Variants in SCMH1 observed in about 807,000 individuals in gnomAD.
SCMH1 encodes Scm polycomb group protein homolog 1.
A neutral mutation model predicts 70.8 loss-of-function variants in SCMH1; 37 were observed. The observed-to-expected ratio is 0.52, with a 90% CI of 0.40 to 0.69. SCMH1 has a LOEUF of 0.69. SCMH1 is among the 30% of genes least tolerant of loss of function. SCMH1 has a pLI of 0.00. For missense variants in SCMH1, 607 were observed against 827.3 expected (o/e 0.73, Z 3.27); for synonymous variants, 292 against 307.4 (o/e 0.95, Z 0.52).
At chr1:41,142,131 T>A (rs213752) in intron 6 of SCMH1, among the ~76,000 whole-genome samples, 81,305 of 151,454 alleles carry the variant, frequency 0.54, 23,534 homozygotes, top group African/African-American at 0.77. Context: ...ACATTACAAA[T>A]TTTTTTTTAA....
chr1:41,201,088 T>C (rs955750135), intron 1 of SCMH1, among the ~76,000 whole-genome samples: 1 of 152,146 alleles, frequency 6.6e-6, no homozygotes, highest in Admixed American at 6.5e-5. Context: ...GCCCTGACAA[T>C]AGATTAGATC....
chr1:41,189,486 C>T (rs1258748141), intron 1 of SCMH1, among the ~76,000 whole-genome samples: 1 of 152,184 alleles, frequency 6.6e-6, no homozygotes, highest in East Asian at 1.9e-4. Flanking sequence ...GATTCTCTGT[C>T]TCCAGCTCTC....
At chr1:41,039,673 C>T (rs886878984) in intron 12 of SCMH1, among the ~76,000 whole-genome samples, 3 of 151,756 alleles carry the variant, frequency 2.0e-5, no homozygotes, top group Admixed American at 6.6e-5. Flanking sequence ...GGGATTTTGC[C>T]ATGTTGGCCA....
intron 12 of SCMH1, among the ~76,000 whole-genome samples, chr1:41,042,875 G>A (rs1304545591): frequency 6.6e-6 from 1 of 151,764 alleles, no homozygotes; most frequent in Admixed American, 6.6e-5. Flanking sequence ...CAACTGGCCT[G>A]GATTATTCAA....
At chr1:41,216,757 G>GT (rs1402734506) in intron 1 of SCMH1, among the ~76,000 whole-genome samples, 1 of 152,214 alleles carries the variant, frequency 6.6e-6, no homozygotes, top group African/African-American at 2.4e-5. Flanking sequence ...TGTACTCACT[G>GT]TTTTGCACCG....
At chr1:41,187,813 CA>C (rs112850018) in intron 1 of SCMH1, among the ~76,000 whole-genome samples, 16,550 of 137,148 alleles carry the variant, frequency 0.12, 983 homozygotes, top group South Asian at 0.19. Context: ...CCCATCTCTA[CA>C]AAAAAAAAAA....
chr1:41,239,121 A>T lies in SCMH1; in HGVS notation c.-118+2938T>A, dbSNP rs1351959824. On this transcript the variant is annotated intron_variant, in intron 1 of 14. Transcript: ENST00000337495. ...TCCAGTGATTAAATAAAAATAAAAA[A>T]AAAACACCTACTGAATTGATTTTAG... Among the ~76,000 whole-genome samples the T allele has an allele frequency of 5.9e-5, 9 of 152,282 alleles. No homozygotes were observed. In the South Asian group the frequency reaches 1.7e-3, roughly 28 times the overall value.
At chr1:41,092,291 A>T (rs1353969686) in intron 8 of SCMH1, among the ~76,000 whole-genome samples, 3 of 152,232 alleles carry the variant, frequency 2.0e-5, no homozygotes, top group African/African-American at 7.2e-5. Context: ...CCTATTTAAT[A>T]AATGGTGCTG....
intron 9 of SCMH1, among the ~76,000 whole-genome samples, chr1:41,074,597 C>T (rs1017040046): frequency 7.2e-5 from 11 of 151,916 alleles, no homozygotes; most frequent in East Asian, 1.9e-4. Context: ...TCTGTCTACA[C>T]GCTGGACATC....
chr1:41,037,400 G>A (rs757732169), exon 13 of SCMH1: 2 of 1,614,228 alleles, frequency 1.2e-6, no homozygotes, highest in Non-Finnish European at 1.7e-6. Context: ...GGCAGTGCTT[G>A]GTGGGAGGCC....
At chr1:41,150,957 A>G (rs12757662) in intron 5 of SCMH1, among the ~76,000 whole-genome samples, 1 of 150,892 alleles carries the variant, frequency 6.6e-6, no homozygotes, top group African/African-American at 2.4e-5. Context: ...AAAAAAAAAA[A>G]GAAAACAGAC....
chr1:41,211,399 C>T (rs1017274959), intron 1 of SCMH1, among the ~76,000 whole-genome samples: 4 of 152,174 alleles, frequency 2.6e-5, no homozygotes, highest in African/African-American at 9.7e-5. Context: ...ATTTATGCAG[C>T]CAACAGACAC....
At chr1:41,184,873 G>C (rs755358867) in intron 2 of SCMH1, among the ~76,000 whole-genome samples, 2 of 152,092 alleles carry the variant, frequency 1.3e-5, no homozygotes, top group Non-Finnish European at 2.9e-5. Flanking sequence ...ACAATATTAT[G>C]GGAGCTGAGA....
At chr1:41,035,760 A>G (rs1645207308) in intron 13 of SCMH1, among the ~76,000 whole-genome samples, 1 of 152,098 alleles carries the variant, frequency 6.6e-6, no homozygotes, top group Non-Finnish European at 1.5e-5. Flanking sequence ...ATTCTGAAAG[A>G]TCTTCTTTGA....
exon 14 of SCMH1, chr1:41,028,707 C>T (rs1644080676): frequency 3.1e-6 from 5 of 1,614,116 alleles, no homozygotes; most frequent in Non-Finnish European, 4.2e-6. Context: ...CATCGCGGCT[C>T]TCCAGGTATC....
At chr1:41,102,014 G>A (rs978328272) in intron 8 of SCMH1, among the ~76,000 whole-genome samples, 1 of 152,158 alleles carries the variant, frequency 6.6e-6, no homozygotes, top group African/African-American at 2.4e-5. Context: ...AGGACACTAG[G>A]CCTCTGCTGC....
At chr1:41,049,648 T>G (rs35444705) in intron 10 of SCMH1, among the ~76,000 whole-genome samples, 16,339 of 150,060 alleles carry the variant, frequency 0.11, 1,265 homozygotes, top group East Asian at 0.28. Context: ...GCGCCTGTAA[T>G]CCCAGCTACT....
At chr1:41,143,040 A>T (rs1358870906) in exon 6 of SCMH1, 3 of 1,614,138 alleles carry the variant, frequency 1.9e-6, no homozygotes. Flanking sequence ...ATACAGGTGG[A>T]TGTGGTGTTC....
chr1:41,118,533 A>G (rs1671110736), intron 6 of SCMH1, among the ~76,000 whole-genome samples: 1 of 152,200 alleles, frequency 6.6e-6, no homozygotes, highest in Non-Finnish European at 1.5e-5. Context: ...TCTGTCTTGC[A>G]CACATACACA....
Sources: gnomAD v4.1 joint callset for allele counts (sites outside exome capture counted in the v4.1 genomes callset) on GRCh38, gnomAD v4.1.1 for gene constraint, MANE v1.5 for transcripts, NCBI Gene and HGNC (gene_info 2026-07-23, HGNC 2026-07-21) for gene names.